The following CCDC180 variants were observed in gnomAD, a reference collection of about 807,000 sequenced individuals.
CCDC180 encodes coiled-coil domain containing 180, also known as coiled-coil domain-containing protein 180.
CCDC180 carries 154 observed loss-of-function variants against 209.2 expected under a neutral mutation model. The observed-to-expected ratio is 0.74, with a 90% CI of 0.65 to 0.84. The LOEUF is 0.84. CCDC180 is among the 40% of genes least tolerant of loss of function. The probability of loss-of-function intolerance (pLI) is 0.00; values close to 1 mark genes in which losing one functional copy is unlikely to be tolerated. For missense variants in CCDC180, 1,874 were observed against 1,997.3 expected, an observed-to-expected ratio of 0.94 and a Z score of 1.18; for synonymous variants, 778 against 749.1, an observed-to-expected ratio of 1.04 and a Z score of -0.63.
At position 97,354,677 on chromosome 9, in the gene CCDC180, C is replaced by T. The variant is rs201121467; in HGVS notation, c.3111C>T (p.Leu1037=). ...RIELVESVIM[L]NMEKLENEYL... ...AGTTGGTTGAAAGTGTCATCATGCT[C>T]AACATGGAGAAGTTGGAGAATGAGT... Residue 1037 remains leucine, a synonymous_variant, in exon 23 of 37, where the codon CTC becomes CTT. Coordinates refer to ENST00000529487, the MANE Select transcript of CCDC180 (RefSeq NM_020893.6). 24 of 1,614,108 alleles carry T rather than the reference C, an allele frequency of 1.5e-5. 1 individual carries two copies. The highest frequency in any genetic ancestry group is 6.6e-5 in the South Asian group (6 of 91,086).
intron 2 of CCDC180, among the ~76,000 whole-genome samples, chr9:97,308,913 A>G (rs1161192736): frequency 2.0e-5 from 3 of 151,986 alleles, no homozygotes; most frequent in Non-Finnish European, 4.4e-5. Context: ...TTAAATTTTG[A>G]GATCATACGG....
chr9:97,363,519 T>A (rs1238713262), intron 28 of CCDC180: 1 of 499,260 alleles, frequency 2.0e-6, no homozygotes, highest in Non-Finnish European at 4.2e-6. Context: ...CGAAACAAAG[T>A]CCATGTCACT....
intron 18 of CCDC180, among the ~76,000 whole-genome samples, 185 bp downstream of exon 18, chr9:97,330,952 G>A (rs1825727405): frequency 6.6e-6 from 1 of 152,298 alleles, no homozygotes; most frequent in Non-Finnish European, 1.5e-5. Context: ...AGGGGTACAT[G>A]TGCAAGTTTG....
At chr9:97,356,247 A>G (rs543960162) in intron 24 of CCDC180, among the ~76,000 whole-genome samples, 1 of 152,262 alleles carries the variant, frequency 6.6e-6, no homozygotes, top group African/African-American at 2.4e-5. Flanking sequence ...TTGAGGGCCC[A>G]CTAGGACTAG....
At chr9:97,319,001 AC>A (rs1341344195) in intron 10 of CCDC180, among the ~76,000 whole-genome samples, 1 of 152,046 alleles carries the variant, frequency 6.6e-6, no homozygotes, top group East Asian at 1.9e-4. Context: ...GAGGCTGTGG[AC>A]ACTCTCCTCA....
At chr9:97,345,015 A>G (rs1359402913) in intron 19 of CCDC180, among the ~76,000 whole-genome samples, 2 of 152,226 alleles carry the variant, frequency 1.3e-5, no homozygotes, top group Non-Finnish European at 2.9e-5. Flanking sequence ...AGACATATAT[A>G]TTATTGAATG....
chr9:97,349,016 C>T, intron 20 of CCDC180, 95 bp from the exon 21 acceptor site: 1 of 1,175,156 alleles, frequency 8.5e-7, no homozygotes, highest in Non-Finnish European at 1.2e-6. Flanking sequence ...CTGCAGCTGG[C>T]CTGGAAGAGG....
rs375498586 is a variant in CCDC180 at position 97,323,584 on chromosome 9, C to T, written c.1249-197C>T. 3.5e-4 allele frequency among the ~76,000 whole-genome samples: 54 copies of T among 152,308 alleles called. 2 individuals carry two copies. Among genetic ancestry groups the T allele is most frequent in the East Asian group, 3.3e-3 (17 of 5,186 alleles). ...TGAGAGCACCACTTGGGGAGCCTCCCGAGAGCTCCTGCATGCCTCTCCAGC... is the reference window on the plus strand; with the variant it reads ...TGAGAGCACCACTTGGGGAGCCTCCTGAGAGCTCCTGCATGCCTCTCCAGC... On this transcript the variant is annotated intron_variant, in intron 12 of 36. Transcript: ENST00000529487.
In CCDC180 at chr9:97,377,014, C is replaced by A; in HGVS notation, c.*120C>A. On this transcript the variant is annotated 3_prime_UTR_variant, in exon 37 of 37. Coordinates refer to ENST00000529487, the MANE Select transcript of CCDC180 (RefSeq NM_020893.6). Reference sequence around the variant, plus strand: ...TCATCCCTCCACCCCTGCTCTGTGCCGGGCACTGTAGCTTTACCAGCGAAC... The same window carrying A: ...TCATCCCTCCACCCCTGCTCTGTGCAGGGCACTGTAGCTTTACCAGCGAAC... The A allele has an allele frequency of 7.6e-6, 9 of 1,177,768 alleles. No homozygotes were observed. Among genetic ancestry groups the A allele is most frequent in the Non-Finnish European group, 1.1e-5 (9 of 856,372 alleles). 73.0% of individuals were successfully genotyped at this position (1,177,768 alleles called of 1,614,324 possible). A position where few individuals can be genotyped will look rare whatever the true frequency, so the allele number is the denominator to read the frequency against.
intron 18 of CCDC180, among the ~76,000 whole-genome samples, chr9:97,340,647 C>A (rs563490717): frequency 2.6e-5 from 4 of 152,350 alleles, no homozygotes; most frequent in African/African-American, 9.6e-5. Flanking sequence ...TGCAAGCCTT[C>A]TGTTACGCGC....
At chr9:97,337,710 A>G (rs1029959763) in intron 18 of CCDC180, among the ~76,000 whole-genome samples, 2 of 152,004 alleles carry the variant, frequency 1.3e-5, no homozygotes, top group Non-Finnish European at 2.9e-5. Flanking sequence ...CTCCTTTTCT[A>G]TTGATTGGAA....
chr9:97,310,143 A>C (rs1271983799), intron 3 of CCDC180, among the ~76,000 whole-genome samples: 1 of 152,250 alleles, frequency 6.6e-6, no homozygotes, highest in Non-Finnish European at 1.5e-5. Context: ...GCTGATTTGC[A>C]TTTTTGAAGT....
intron 18 of CCDC180, among the ~76,000 whole-genome samples, chr9:97,339,764 G>A (rs1826022089): frequency 6.6e-6 from 1 of 152,158 alleles, no homozygotes; most frequent in Admixed American, 6.5e-5. Flanking sequence ...TTCCAGCTTG[G>A]TTCCATTCTG....
chr9:97,332,971 C>G (rs563108557), intron 18 of CCDC180, among the ~76,000 whole-genome samples: 33 of 152,250 alleles, frequency 2.2e-4, no homozygotes, highest in African/African-American at 7.9e-4. Flanking sequence ...ATGCTTCCAT[C>G]TTTTGCCCAA....
chr9:97,360,119 G>A lies in CCDC180; in HGVS notation c.3483+18G>A. The A allele has an allele frequency of 6.2e-7, 1 of 1,611,066 alleles. No homozygotes were observed. Among genetic ancestry groups the A allele is most frequent in the Non-Finnish European group, 8.5e-7 (1 of 1,177,876 alleles). ...TCTTTACCGTAAGGAATGGGATAGG[G>A]TGGCAGGAAAGGGTGGGTGAGCTGT... is the stretch of plus-strand genomic sequence containing the variant. On this transcript the variant is annotated intron_variant, in intron 26 of 36. Transcript: ENST00000529487.
intron 24 of CCDC180, among the ~76,000 whole-genome samples, chr9:97,356,797 C>CT (rs1351704292): frequency 6.6e-6 from 1 of 152,334 alleles, no homozygotes; most frequent in East Asian, 1.9e-4. Flanking sequence ...ATGGACAATA[C>CT]TGGGAATATA....
intron 26 of CCDC180, among the ~76,000 whole-genome samples, chr9:97,360,633 C>T (rs34609282): frequency 0.21 from 32,102 of 152,118 alleles, 3,653 homozygotes; most frequent in East Asian, 0.39. Flanking sequence ...GCAGCCTCCA[C>T]GGCTTGTCCT....
intron 12 of CCDC180, among the ~76,000 whole-genome samples, chr9:97,323,241 G>A (rs555638779): frequency 1.4e-4 from 21 of 152,222 alleles, no homozygotes; most frequent in Admixed American, 1.2e-3. Context: ...TGAAGTGTGC[G>A]CTCTCAGATC....
chr9:97,352,451 A>T (rs980755275), intron 22 of CCDC180, among the ~76,000 whole-genome samples: 1 of 152,106 alleles, frequency 6.6e-6, no homozygotes, highest in Non-Finnish European at 1.5e-5. Flanking sequence ...GGTTGATGAG[A>T]TATCTGGGGA....
Sources: allele counts gnomAD v4.1 joint callset (sites outside exome capture counted in the v4.1 genomes callset), GRCh38; gene constraint gnomAD v4.1.1; transcripts MANE v1.5; gene names NCBI Gene and HGNC (gene_info 2026-07-23, HGNC 2026-07-21).